FDFT1: variants seen among roughly 807,000 people sequenced by gnomAD.
The protein encoded by FDFT1 is farnesyl-diphosphate farnesyltransferase 1, also known as squalene synthase.
A neutral mutation model predicts 46.8 loss-of-function variants in FDFT1; 68 were observed. The ratio of observed to expected loss-of-function variants is 1.45; its 90% CI spans 1.19 to 1.78. The LOEUF (loss-of-function observed/expected upper bound fraction) is 1.78. Among genes scored for constraint, FDFT1 ranks in the 40% most tolerant of loss-of-function variants. The pLI is 0.00. For missense variants in FDFT1, 928 were observed against 524.4 expected (o/e 1.77, Z -7.52); for synonymous variants, 351 against 185.1 (o/e 1.90, Z -7.28).
At chr8:11,809,027 C>T in intron 2 of FDFT1, 136 bp downstream of exon 2, 4 of 1,389,780 alleles carry the variant, frequency 2.9e-6, no homozygotes, top group Non-Finnish European at 3.9e-6. Flanking sequence ...ATAGCCCGGC[C>T]CTACGTGTTT....
rs374550079 is a variant in FDFT1 at position 11,836,234 on chromosome 8, ATTTTATGGCTT to A, written c.1033-2151_1033-2141del. ...CTCAGGGTCATTGTAGTGAATGCCT[ATTTTATGGCTT>A]TTGATGGCATCAGGGCACTCAGGTC... On this transcript the variant is annotated intron_variant, in intron 7 of 7. Transcript: ENST00000220584. Among the ~76,000 whole-genome samples, 722 of 152,200 alleles carry A rather than the reference ATTTTATGGCTT, an allele frequency of 4.7e-3. 7 individuals carry two copies. The highest frequency in any genetic ancestry group is 0.017 in the African/African-American group (701 of 41,536).
intron 7 of FDFT1, among the ~76,000 whole-genome samples, chr8:11,837,437 G>GT (rs1811700083): frequency 6.6e-6 from 1 of 152,248 alleles, no homozygotes; most frequent in Admixed American, 6.5e-5. Flanking sequence ...TTACTGTGTT[G>GT]TCCAGGCTGG....
chr8:11,808,538 C>T (rs1345189692), intron 1 of FDFT1: 10 of 1,340,320 alleles, frequency 7.5e-6, no homozygotes, highest in South Asian at 2.0e-5. Context: ...CCGCCTGCGG[C>T]ACCAAGGCCA....
At chr8:11,813,272 G>A (rs185362456) in intron 3 of FDFT1, among the ~76,000 whole-genome samples, 2 of 152,302 alleles carry the variant, frequency 1.3e-5, no homozygotes, top group East Asian at 3.9e-4. Context: ...AGGCTTAGAA[G>A]TCTACCTGTA....
At chr8:11,822,966 AT>A (rs1809466598) in intron 4 of FDFT1, among the ~76,000 whole-genome samples, 1 of 152,046 alleles carries the variant, frequency 6.6e-6, no homozygotes, top group Non-Finnish European at 1.5e-5. Flanking sequence ...ATTAAAAAAA[AT>A]TTTTTTTGAG....
At chr8:11,808,395 G>T in intron 1 of FDFT1, 2 of 1,235,930 alleles carry the variant, frequency 1.6e-6, no homozygotes, top group Non-Finnish European at 2.0e-6. Flanking sequence ...TGCGGGGCGG[G>T]CCCGTTGTGG....
upstream of FDFT1, chr8:11,802,372 C>T (rs750331038): frequency 4.4e-6 from 2 of 452,264 alleles, no homozygotes; most frequent in Middle Eastern, 3.3e-4. Context: ...GCTCTCCCGA[C>T]TGCGGACCAC....
intron 3 of FDFT1, among the ~76,000 whole-genome samples, chr8:11,814,463 C>G (rs897057788): frequency 1.3e-5 from 2 of 151,736 alleles, no homozygotes; most frequent in African/African-American, 2.4e-5. Flanking sequence ...TCTAACTTTT[C>G]TGTAAACACA....
chr8:11,811,205 A>T (rs902092672), intron 3 of FDFT1, among the ~76,000 whole-genome samples: 3 of 152,208 alleles, frequency 2.0e-5, no homozygotes, highest in African/African-American at 7.2e-5. Flanking sequence ...ACACCTGATG[A>T]CCAGAGGATG....
Position 11,823,473 on chromosome 8 carries a change from T to G in FDFT1, c.510+1595T>G, listed in dbSNP as rs144941865. Among the ~76,000 whole-genome samples the G allele has an allele frequency of 5.4e-3, 818 of 152,348 alleles. 5 individuals are homozygous for G. The highest frequency in any genetic ancestry group is 7.3e-3 in the Non-Finnish European group (497 of 68,028). ...ACCTAATTTCAGCAAGATTTCACTC[T>G]TTTCATGTTACTTTTGTCCCAGAAC... is the stretch of plus-strand genomic sequence containing the variant. On this transcript the variant is annotated intron_variant, in intron 4 of 7. Transcript: ENST00000220584.
chr8:11,831,624 C>G lies in FDFT1; in HGVS notation c.986C>G (p.Thr329Ser), dbSNP rs766849195. 4 of 1,613,862 alleles carry G rather than the reference C, an allele frequency of 2.5e-6. No homozygotes were observed. The African/African-American group carries it at 4.0e-5, about 16-fold the overall frequency. The change falls in exon 7 of 8, where the codon ACC (threonine) becomes AGC (serine). Residue 329 changes from threonine to serine, a missense_variant. By Grantham distance (58) the Thr-to-Ser change is moderately conservative. Coordinates refer to ENST00000220584, the MANE Select transcript of FDFT1 (RefSeq NM_004462.5). ...GQAVTLMMDA[T>S]NMPAVKAIIY... ...GCAGTGACCCTGATGATGGATGCCA[C>G]CAATATGCCAGCTGTCAAAGCCATC... is the stretch of plus-strand genomic sequence containing the variant.
intron 4 of FDFT1, among the ~76,000 whole-genome samples, chr8:11,823,874 G>C (rs1217336776): frequency 1.3e-5 from 2 of 151,920 alleles, no homozygotes; most frequent in Admixed American, 1.3e-4. Flanking sequence ...CTCCCCATTA[G>C]CTGGGACTAT....
chr8:11,812,552 A>C (rs981268599), intron 3 of FDFT1, among the ~76,000 whole-genome samples: 4 of 152,234 alleles, frequency 2.6e-5, no homozygotes, highest in Non-Finnish European at 5.9e-5. Flanking sequence ...AGGGACTAAG[A>C]ATTCTAAATT....
intron 5 of FDFT1, among the ~76,000 whole-genome samples, chr8:11,828,017 C>G (rs1810244392): frequency 6.6e-6 from 1 of 152,078 alleles, no homozygotes; most frequent in African/African-American, 2.4e-5. Context: ...GCCTGGCCAA[C>G]ATGGCAAAAC....
At chr8:11,824,571 G>T (rs905271266) in intron 4 of FDFT1, among the ~76,000 whole-genome samples, 3 of 151,156 alleles carry the variant, frequency 2.0e-5, no homozygotes, top group Non-Finnish European at 4.4e-5. Context: ...GGGACCACTG[G>T]CCTGTGTCAC....
chr8:11,811,789 C>T (rs1000717591), intron 3 of FDFT1, among the ~76,000 whole-genome samples: 2 of 152,180 alleles, frequency 1.3e-5, no homozygotes, highest in African/African-American at 2.4e-5. Flanking sequence ...CCTTTTGTAT[C>T]CTTACGAATA....
upstream of FDFT1, among the ~76,000 whole-genome samples, chr8:11,801,003 T>G (rs1022516945): frequency 6.6e-6 from 1 of 152,058 alleles, no homozygotes; most frequent in Admixed American, 6.6e-5. Flanking sequence ...TATTAGAATA[T>G]GGTAAATATA....
At chr8:11,806,701 C>T (rs1028454318) in intron 1 of FDFT1, among the ~76,000 whole-genome samples, 1 of 152,118 alleles carries the variant, frequency 6.6e-6, no homozygotes, top group African/African-American at 2.4e-5. Flanking sequence ...TGGTAATGGT[C>T]AGGCTATGTG....
chr8:11,800,254 C>G (rs2645434), upstream of FDFT1, among the ~76,000 whole-genome samples: 1 of 63,238 alleles, frequency 1.6e-5, no homozygotes, highest in Non-Finnish European at 2.7e-5. Flanking sequence ...GAGTGAAATT[C>G]TGTCTCAAAA....
Sources: allele counts gnomAD v4.1 joint callset (sites outside exome capture counted in the v4.1 genomes callset), GRCh38; gene constraint gnomAD v4.1.1; transcripts MANE v1.5; gene names NCBI Gene and HGNC (gene_info 2026-07-23, HGNC 2026-07-21).